RASGRP3: variants seen among roughly 807,000 people sequenced by gnomAD.
The protein encoded by RASGRP3 is RAS guanyl releasing protein 3, also known as ras guanyl-releasing protein 3.
A neutral mutation model predicts 82.7 loss-of-function variants in RASGRP3; 54 were observed. That is an observed-to-expected ratio of 0.65 (90% CI 0.52 to 0.82). The LOEUF (loss-of-function observed/expected upper bound fraction) is 0.82, where lower values mean the gene tolerates loss of function less well. Ranked by LOEUF, RASGRP3 falls within the 40% of genes least tolerant of loss-of-function variation. The pLI is 0.00. For missense variants in RASGRP3, 861 were observed against 828.9 expected, an observed-to-expected ratio of 1.04 and a Z score of -0.48; for synonymous variants, 309 against 300.5, an observed-to-expected ratio of 1.03 and a Z score of -0.29.
intron 2 of RASGRP3, among the ~76,000 whole-genome samples, chr2:33,459,425 C>T (rs1369178412): frequency 6.6e-6 from 1 of 152,240 alleles, no homozygotes; most frequent in African/African-American, 2.4e-5. Context: ...TGAGCCACTG[C>T]ACCCAGCCAA....
intron 10 of RASGRP3, among the ~76,000 whole-genome samples, chr2:33,530,521 T>A (rs1295153937): frequency 1.6e-5 from 2 of 128,058 alleles, no homozygotes; most frequent in African/African-American, 6.5e-5. Context: ...TTTTTTTTTT[T>A]AAACTAAAGA....
intron 2 of RASGRP3, among the ~76,000 whole-genome samples, chr2:33,450,398 C>A (rs913634374): frequency 8.6e-5 from 13 of 151,890 alleles, no homozygotes; most frequent in African/African-American, 3.2e-4. Context: ...CTCTTCCCAG[C>A]CCCTTGCAAT....
intron 14 of RASGRP3, among the ~76,000 whole-genome samples, chr2:33,553,800 G>C (rs866204368): frequency 6.6e-6 from 1 of 151,682 alleles, no homozygotes; most frequent in African/African-American, 2.4e-5. Flanking sequence ...CTGCAGTGGC[G>C]CGATCTTGGC....
chr2:33,517,253 A>G (rs1013741109), intron 4 of RASGRP3, among the ~76,000 whole-genome samples: 4 of 152,266 alleles, frequency 2.6e-5, no homozygotes, highest in Admixed American at 2.6e-4. Context: ...AGTTCTCTAC[A>G]TAATGCAGTC....
chr2:33,478,320 G>T (rs1667560897), intron 1 of RASGRP3, among the ~76,000 whole-genome samples: 1 of 152,210 alleles, frequency 6.6e-6, no homozygotes, highest in Admixed American at 6.5e-5. Context: ...TATGGCATTT[G>T]TGTGAGGTCC....
chr2:33,562,620 G>GATCA, intron 17 of RASGRP3, 109 bp from the exon 18 acceptor site: 1 of 1,237,172 alleles, frequency 8.1e-7, no homozygotes, highest in Non-Finnish European at 1.2e-6. Flanking sequence ...ACAAGGTACT[G>GATCA]ATCATTTCAG....
chr2:33,545,158 T>C (rs1255044320), intron 13 of RASGRP3, among the ~76,000 whole-genome samples: 1 of 152,230 alleles, frequency 6.6e-6, no homozygotes, highest in Non-Finnish European at 1.5e-5. Flanking sequence ...TAGCAAATAT[T>C]TGTGTCTATC....
At chr2:33,502,053 G>C (rs1669921346) in intron 1 of RASGRP3, among the ~76,000 whole-genome samples, 1 of 152,188 alleles carries the variant, frequency 6.6e-6, no homozygotes, top group Admixed American at 6.5e-5. Context: ...GGATCAAATA[G>C]AACCAGCAAA....
intron 1 of RASGRP3, among the ~76,000 whole-genome samples, chr2:33,446,976 T>C (rs1665534769): frequency 6.6e-6 from 1 of 151,962 alleles, no homozygotes; most frequent in Admixed American, 6.6e-5. Context: ...ACCCCGTCTC[T>C]GCTAAAAATA....
intron 1 of RASGRP3, among the ~76,000 whole-genome samples, chr2:33,440,411 A>T (rs905146372): frequency 6.6e-6 from 1 of 152,232 alleles, no homozygotes; most frequent in African/African-American, 2.4e-5. Flanking sequence ...AGGCAGATGG[A>T]AAATGGAACC....
chr2:33,527,094 A>G, intron 9 of RASGRP3, 43 bp from the exon 10 acceptor site: 4 of 1,602,854 alleles, frequency 2.5e-6, no homozygotes, highest in Non-Finnish European at 3.4e-6. Context: ...GGTGTGCAGG[A>G]GGGAAAGTTG....
At chr2:33,537,330 C>CCCAACACACACA (rs66749495) in intron 11 of RASGRP3, among the ~76,000 whole-genome samples, 1 of 95,690 alleles carries the variant, frequency 1.0e-5, no homozygotes. Flanking sequence ...ACCGCCCCCC[C>CCCAACACACACA]CACACACACA....
chr2:33,468,559 G>A (rs1666859781), intron 2 of RASGRP3, among the ~76,000 whole-genome samples: 1 of 152,030 alleles, frequency 6.6e-6, no homozygotes, highest in Admixed American at 6.6e-5. Flanking sequence ...ACACCACCAT[G>A]CCGGGATAAT....
intron 1 of RASGRP3, among the ~76,000 whole-genome samples, chr2:33,487,477 G>T (rs1668494865): frequency 6.6e-6 from 1 of 152,194 alleles, no homozygotes; most frequent in Admixed American, 6.5e-5. Context: ...GGGAGTTAAA[G>T]AAGTTTTGGA....
chr2:33,441,259 C>A (rs1665211228), intron 1 of RASGRP3, among the ~76,000 whole-genome samples: 1 of 152,068 alleles, frequency 6.6e-6, no homozygotes, highest in African/African-American at 2.4e-5. Flanking sequence ...TTCCCTTTCC[C>A]CCCTCCTCCC....
At chr2:33,547,241 G>A (rs1233919579) in intron 13 of RASGRP3, among the ~76,000 whole-genome samples, 1 of 150,890 alleles carries the variant, frequency 6.6e-6, no homozygotes, top group Non-Finnish European at 1.5e-5. Context: ...AATAAGAGAC[G>A]CTGGTGCCTC....
chr2:33,538,990 A>G, intron 11 of RASGRP3, 104 bp from the exon 12 acceptor site: 2 of 775,588 alleles, frequency 2.6e-6, no homozygotes, highest in South Asian at 3.8e-5. Flanking sequence ...AGTGAGCCGA[A>G]ATTACACCAC....
At chr2:33,538,746 T>C (rs1043524648) in intron 11 of RASGRP3, among the ~76,000 whole-genome samples, 23 of 152,124 alleles carry the variant, frequency 1.5e-4, no homozygotes, top group African/African-American at 5.1e-4. Flanking sequence ...CCAGTTAATG[T>C]TGAAAAATAT....
At chr2:33,439,072 C>T (rs767542725) in intron 1 of RASGRP3, among the ~76,000 whole-genome samples, 1 of 152,172 alleles carries the variant, frequency 6.6e-6, no homozygotes, top group African/African-American at 2.4e-5. Flanking sequence ...TTTACAGGCA[C>T]CTTAAATTCA....
Sources: allele counts gnomAD v4.1 joint callset (sites outside exome capture counted in the v4.1 genomes callset), GRCh38; gene constraint gnomAD v4.1.1; transcripts MANE v1.5; gene names NCBI Gene and HGNC (gene_info 2026-07-23, HGNC 2026-07-21).